Variants in ESYT2 observed in about 807,000 individuals in gnomAD.
ESYT2 encodes the protein extended synaptotagmin-2.
In ESYT2, 54 loss-of-function variants were observed where a neutral mutation model predicts 107.2. That is an observed-to-expected ratio of 0.50 (90% confidence interval 0.40 to 0.63). The LOEUF (loss-of-function observed/expected upper bound fraction) is 0.63. Ranked by LOEUF, ESYT2 falls within the 30% of genes least tolerant of loss-of-function variation. The pLI is 0.00. For synonymous variants in ESYT2, 491 were observed against 434.1 expected (o/e 1.13, Z -1.63); for missense variants, 1,020 against 1,094.5 (o/e 0.93, Z 0.96).
intron 1 of ESYT2, among the ~76,000 whole-genome samples, chr7:158,804,387 G>C (rs1272185763): frequency 6.7e-6 from 1 of 148,584 alleles, no homozygotes; most frequent in African/African-American, 2.5e-5. Flanking sequence ...GGTGAGGCGA[G>C]TGACAAACCC....
intron 1 of ESYT2, 119 bp from the exon 2 acceptor site, chr7:158,799,191 C>T: frequency 2.3e-6 from 2 of 888,610 alleles, no homozygotes; most frequent in Non-Finnish European, 3.6e-6. Context: ...TTCTTTAAAA[C>T]ACTCTGCTCT....
chr7:158,741,979 C>A, intron 17 of ESYT2, 83 bp from the exon 18 acceptor site: 2 of 1,438,050 alleles, frequency 1.4e-6, no homozygotes, highest in South Asian at 1.5e-5. Context: ...ATGTCTTTAC[C>A]TGCAAAAATT....
chr7:158,803,094 T>A (rs1273652336), intron 1 of ESYT2, among the ~76,000 whole-genome samples: 1 of 151,304 alleles, frequency 6.6e-6, no homozygotes, highest in Non-Finnish European at 1.5e-5. Flanking sequence ...GGAATCTGAG[T>A]CCCTGGCACA....
chr7:158,793,718 C>T lies in ESYT2; in HGVS notation c.516G>A (p.Arg172=). Residue 172 remains arginine, a synonymous_variant, in exon 4 of 23, where the codon AGG becomes AGA. Coordinates refer to ENST00000275418, the MANE Select transcript of ESYT2 (RefSeq NM_001367773.1). ...CAGTGTATACCTTAACACCATTGAT[C>T]CTGAGGGGCTGAAATAAGAAGTAGC... is the stretch of plus-strand genomic sequence containing the variant. ...TKVDVGQQPL[R]INGVKVYTEN... 1 of 1,612,694 alleles carries T rather than the reference C, an allele frequency of 6.2e-7. No homozygotes were observed. The highest frequency in any genetic ancestry group is 8.5e-7 in the Non-Finnish European group (1 of 1,179,602).
intron 21 of ESYT2, among the ~76,000 whole-genome samples, chr7:158,734,676 G>A (rs1442296169): frequency 6.6e-6 from 1 of 152,232 alleles, no homozygotes; most frequent in Non-Finnish European, 1.5e-5. Context: ...CTTGGTCCCA[G>A]CAACTCGGGA....
intron 17 of ESYT2, among the ~76,000 whole-genome samples, chr7:158,742,605 G>A (rs1308115440): frequency 6.6e-6 from 1 of 152,222 alleles, no homozygotes; most frequent in Admixed American, 6.5e-5. Flanking sequence ...CCTGACATGA[G>A]TGCAGGAGCA....
intron 1 of ESYT2, among the ~76,000 whole-genome samples, chr7:158,814,802 T>C (rs181515787): frequency 6.6e-6 from 1 of 152,340 alleles, no homozygotes; most frequent in Admixed American, 6.5e-5. Flanking sequence ...ACCTGACTTG[T>C]ACTGGGGTGA....
rs1444853832 is a variant in ESYT2 at position 158,731,291 on chromosome 7, C to T, written c.*2916G>A. The T allele has an allele frequency of 2.0e-5, 3 of 152,362 alleles. No homozygotes were observed. Among genetic ancestry groups the T allele is most frequent in the East Asian group, 3.9e-4 (2 of 5,178 alleles). The allele number at this position is 152,362 out of a possible 1,614,324, so 9.4% of individuals were successfully genotyped here. A position where few individuals can be genotyped will look rare whatever the true frequency, so the allele number is the denominator to read the frequency against. ...TATATTATCATGGTAAATACAGTTA[C>T]AAGGCTGCTTCTATTTTATTTATTT... On this transcript the variant is annotated 3_prime_UTR_variant, in exon 23 of 23. Transcript: ENST00000275418.
At position 158,741,618 on chromosome 7, in the gene ESYT2, G is replaced by T. The variant is rs775734975; in HGVS notation, c.2073C>A (p.His691Gln). ...SSSSLLASPG[H>Q]ISVKEPTPSI... ...TGGGGGTCGGCTCCTTGACTGAGAT[G>T]TGGCCTGGGGAGGCCAGGAGGCTGG... The change falls in exon 18 of 23, where the codon CAC (histidine) becomes CAA (glutamine). Residue 691 changes from histidine to glutamine, a missense_variant. Physicochemically the swap from His to Gln is conservative, Grantham distance 24. Transcript: ENST00000275418. 1 of 1,613,166 alleles carries T rather than the reference G, an allele frequency of 6.2e-7. No individual in the cohort carries two copies. The highest frequency in any genetic ancestry group is 1.1e-5 in the South Asian group (1 of 91,074).
At chr7:158,805,284 C>T (rs1487221576) in intron 1 of ESYT2, among the ~76,000 whole-genome samples, 1 of 152,220 alleles carries the variant, frequency 6.6e-6, no homozygotes, top group Non-Finnish European at 1.5e-5. Context: ...TCTCTAGAGA[C>T]TTTGGTCAGT....
In ESYT2 at chr7:158,829,047, A is replaced by G; in HGVS notation, c.330+42T>C. Reference sequence around the variant, plus strand: ...CCTGCCTGGACGAGGGGAGATCGGGACTGGTGGTCAGGGGTCGGGACGGGC... The same window carrying G: ...CCTGCCTGGACGAGGGGAGATCGGGGCTGGTGGTCAGGGGTCGGGACGGGC... On this transcript the variant is annotated intron_variant, in intron 1 of 22. Transcript: ENST00000275418. 4.5e-6 allele frequency: 7 copies of G among 1,558,064 alleles called. No individual in the cohort carries two copies. The South Asian group carries it at 8.0e-5, about 18-fold the overall frequency.
chr7:158,822,145 G>A (rs1409588101), intron 1 of ESYT2, among the ~76,000 whole-genome samples: 1 of 152,224 alleles, frequency 6.6e-6, no homozygotes, highest in Non-Finnish European at 1.5e-5. Flanking sequence ...AGACAGAATC[G>A]TCATGAAAAC....
chr7:158,807,337 T>C (rs2129473860), intron 1 of ESYT2, among the ~76,000 whole-genome samples: 1 of 152,098 alleles, frequency 6.6e-6, no homozygotes, highest in East Asian at 1.9e-4. Context: ...ACATCGGACT[T>C]AAAATTTATC....
At chr7:158,753,852 G>A (rs710422) in intron 13 of ESYT2, among the ~76,000 whole-genome samples, 96,470 of 151,916 alleles carry the variant, frequency 0.64, 33,426 homozygotes, top group Non-Finnish European at 0.78. Context: ...TATACAATGA[G>A]GATGAGAACT....
chr7:158,781,047 TGA>T (rs901523983), intron 6 of ESYT2, among the ~76,000 whole-genome samples: 7 of 152,122 alleles, frequency 4.6e-5, no homozygotes, highest in African/African-American at 1.2e-4. Flanking sequence ...TGAGAATATG[TGA>T]GGAGTGTGTG....
At chr7:158,815,355 A>G (rs550564860) in intron 1 of ESYT2, among the ~76,000 whole-genome samples, 2 of 152,182 alleles carry the variant, frequency 1.3e-5, no homozygotes, top group East Asian at 3.9e-4. Flanking sequence ...GCCTCAAACT[A>G]CTGCTCCTAT....
chr7:158,756,403 T>C (rs1391633380), intron 13 of ESYT2, among the ~76,000 whole-genome samples: 1 of 152,230 alleles, frequency 6.6e-6, no homozygotes, highest in African/African-American at 2.4e-5. Context: ...GGAAGGTCTT[T>C]AAGTGTCTTA....
intron 14 of ESYT2, among the ~76,000 whole-genome samples, chr7:158,752,575 C>T (rs1283393605): frequency 6.6e-6 from 1 of 152,308 alleles, no homozygotes; most frequent in East Asian, 1.9e-4. Context: ...ATTTATCATA[C>T]TAGTACTTTA....
rs755666682 is a variant in ESYT2, at chr7:158,749,702, T to C, written c.1504A>G (p.Asn502Asp). Residue 502 changes from asparagine (N) to aspartate (D), a missense_variant, in exon 15 of 23, where the codon AAC (asparagine) becomes GAC (aspartate). Asn to Asp is a conservative substitution (Grantham distance 23, BLOSUM62 1). Transcript: ENST00000275418. The stretch of plus-strand genomic sequence containing the variant: ...GACATCTGGACAACAGGATTTGGGT[T>C]GCTGCTTATTTTCTTCCCTGACTAC... ...ALKSGKKISS[N>D]PNPVVQMSVG... is the part of the protein sequence containing the mutation. 6.2e-7 allele frequency: 1 copy of C among 1,613,882 alleles called. No homozygotes were observed. Among genetic ancestry groups the C allele is most frequent in the African/African-American group, 1.3e-5 (1 of 74,940 alleles).
Sources: gnomAD v4.1 joint callset for allele counts (sites outside exome capture counted in the v4.1 genomes callset) on GRCh38, gnomAD v4.1.1 for gene constraint, MANE v1.5 for transcripts, NCBI Gene and HGNC (gene_info 2026-07-23, HGNC 2026-07-21) for gene names.